MEIS2: variants seen among roughly 807,000 people sequenced by gnomAD.
MEIS2 encodes the protein homeobox protein Meis2.
Under a neutral mutation model 58.6 loss-of-function variants are expected in MEIS2, and 9 were observed. That is an observed-to-expected ratio of 0.15 (90% CI 0.09 to 0.27). The LOEUF (loss-of-function observed/expected upper bound fraction) is 0.27, where lower values mean the gene tolerates loss of function less well. Ranked by LOEUF, MEIS2 falls within the 10% of genes least tolerant of loss-of-function variation. The probability of loss-of-function intolerance (pLI) is 1.00; values close to 1 mark genes in which losing one functional copy is unlikely to be tolerated. For missense variants in MEIS2, 427 were observed against 635.0 expected, an observed-to-expected ratio of 0.67 and a Z score of 3.52; for synonymous variants, 221 against 228.4, an observed-to-expected ratio of 0.97 and a Z score of 0.29.
chr15:36,947,552 G>C (rs1407418220), intron 9 of MEIS2, among the ~76,000 whole-genome samples: 3 of 152,016 alleles, frequency 2.0e-5, no homozygotes, highest in Middle Eastern at 6.8e-3. Context: ...TATATTAAGA[G>C]GTAAGTGAGA....
intron 8 of MEIS2, among the ~76,000 whole-genome samples, chr15:36,982,229 A>G (rs112741186): frequency 4.6e-5 from 7 of 152,296 alleles, no homozygotes; most frequent in African/African-American, 1.7e-4. Context: ...TCAAGTGTAC[A>G]ATACAGGATT....
At chr15:37,050,302 T>C (rs1278957104) in intron 7 of MEIS2, among the ~76,000 whole-genome samples, 1 of 152,202 alleles carries the variant, frequency 6.6e-6, no homozygotes, top group Non-Finnish European at 1.5e-5. Flanking sequence ...TAGAACTTCA[T>C]ATATGTTATG....
intron 6 of MEIS2, among the ~76,000 whole-genome samples, chr15:37,088,793 G>A (rs1386824012): frequency 6.6e-6 from 1 of 152,086 alleles, no homozygotes; most frequent in Non-Finnish European, 1.5e-5. Context: ...AGACAGAAAT[G>A]TCTTGTATTG....
rs144716046 is a variant in MEIS2 at position 37,050,623 on chromosome 15, G to A, written c.755-13664C>T. On this transcript the variant is annotated intron_variant, in intron 7 of 11. Coordinates refer to ENST00000561208, the MANE Select transcript of MEIS2 (RefSeq NM_170675.5). ...TATCTGACATTTTTCTATTTCTCTG[G>A]GCAGTTGTACTACTTTGTTTGTACA... 2.2e-4 allele frequency among the ~76,000 whole-genome samples: 33 copies of A among 152,056 alleles called. 1 individual carries two copies. The East Asian group carries it at 5.0e-3, about 23-fold the overall frequency.
chr15:37,049,791 T>A (rs1181502175), intron 7 of MEIS2, among the ~76,000 whole-genome samples: 13 of 151,896 alleles, frequency 8.6e-5, no homozygotes, highest in Admixed American at 8.5e-4. Context: ...CTGGCCTTTT[T>A]TTTTTTTTTA....
At chr15:37,069,503 AT>A (rs1430838011) in intron 7 of MEIS2, among the ~76,000 whole-genome samples, 1 of 152,152 alleles carries the variant, frequency 6.6e-6, no homozygotes, top group African/African-American at 2.4e-5. Flanking sequence ...TCATTTCAAA[AT>A]TGGAGAGACA....
chr15:36,892,075 G>C lies in MEIS2; in HGVS notation c.*98C>G. 2 of 1,292,216 alleles carry C rather than the reference G, an allele frequency of 1.5e-6. No homozygotes were observed. The highest frequency in any genetic ancestry group is 2.2e-6 in the Non-Finnish European group (2 of 910,912). The allele number at this position is 1,292,216 out of a possible 1,614,324, so 80.0% of individuals were successfully genotyped here. The stretch of plus-strand genomic sequence containing the variant: ...ACAAAAGTAAAAAATAATCACAGCT[G>C]TCTGGAATTTCATATTAAGTGTCAA... On this transcript the variant is annotated 3_prime_UTR_variant, in exon 12 of 12. Transcript: ENST00000561208.
Position 37,083,817 on chromosome 15 carries a change from G to A in MEIS2, c.708C>T (p.Ser236=), listed in dbSNP as rs954343141. Residue 236 remains serine, a synonymous_variant, in exon 7 of 12, where the codon TCC becomes TCT. Transcript: ENST00000561208. ...STHSAGTPGP[S]SGGHASQSGD... is the part of the protein sequence containing the mutation. ...CGCTCTGGGAAGCATGGCCCCCACT[G>A]GAGGGCCCTGGGGTGCCTGCTGAGT... 1.2e-6 allele frequency: 2 copies of A among 1,613,938 alleles called. No homozygotes were observed. Among genetic ancestry groups the A allele is most frequent in the African/African-American group, 2.7e-5 (2 of 74,914 alleles).
chr15:37,018,321 CT>C (rs1184545289), intron 8 of MEIS2, among the ~76,000 whole-genome samples: 2 of 152,202 alleles, frequency 1.3e-5, no homozygotes, highest in East Asian at 3.9e-4. Flanking sequence ...CAAGGAATGT[CT>C]TCACTTCTTT....
At chr15:37,056,828 G>C (rs1005788197) in intron 7 of MEIS2, among the ~76,000 whole-genome samples, 1 of 152,202 alleles carries the variant, frequency 6.6e-6, no homozygotes, top group Non-Finnish European at 1.5e-5. Context: ...AATGGAGCAG[G>C]GTCCAGCTCC....
chr15:37,012,712 C>T (rs1417080792), intron 8 of MEIS2, among the ~76,000 whole-genome samples: 2 of 151,904 alleles, frequency 1.3e-5, no homozygotes, highest in Non-Finnish European at 2.9e-5. Context: ...GTTAAGATTG[C>T]CCTAATGTGT....
At chr15:36,892,977 C>T (rs897874648) in intron 11 of MEIS2, among the ~76,000 whole-genome samples, 2 of 152,076 alleles carry the variant, frequency 1.3e-5, no homozygotes, top group Admixed American at 1.3e-4. Flanking sequence ...TAAAATGAAG[C>T]CCCCTTTTTG....
At chr15:37,072,627 A>G (rs1265905807) in intron 7 of MEIS2, among the ~76,000 whole-genome samples, 2 of 151,944 alleles carry the variant, frequency 1.3e-5, no homozygotes, top group Admixed American at 6.6e-5. Context: ...CACCTTCCCT[A>G]CTTTTTCCAT....
At position 36,892,300 on chromosome 15, in the gene MEIS2, G is replaced by T. The variant is rs1269960840; in HGVS notation, c.1307C>A (p.Pro436Gln). Residue 436 changes from proline (P) to glutamine (Q), a missense_variant, in exon 12 of 12, where the codon CCA becomes CAA. This residue lies in a region of MEIS2 where 154 missense variants were observed against 148.1 expected (regional missense o/e 1.04). Transcript: ENST00000561208. ...HSYLPSHPHH[P>Q]AMMMHGGPPT... is the part of the protein sequence containing the mutation. ...GGGTCCTCCGTGCATCATCATGGCTGGGTGGTGGGGATGGCTTGGCAAATA... is the reference window on the plus strand; with the variant it reads ...GGGTCCTCCGTGCATCATCATGGCTTGGTGGTGGGGATGGCTTGGCAAATA... 6 of 1,613,770 alleles carry T rather than the reference G, an allele frequency of 3.7e-6. No homozygotes were observed. The highest frequency in any genetic ancestry group is 1.3e-5 in the African/African-American group (1 of 74,852).
chr15:37,013,102 A>G (rs1044040240), intron 8 of MEIS2, among the ~76,000 whole-genome samples: 5 of 152,160 alleles, frequency 3.3e-5, no homozygotes, highest in African/African-American at 9.7e-5. Context: ...TGATGAGAGA[A>G]AGGAAACTGG....
At chr15:37,037,213 C>T (rs541875460) in intron 7 of MEIS2, among the ~76,000 whole-genome samples, 1 of 152,162 alleles carries the variant, frequency 6.6e-6, no homozygotes, top group African/African-American at 2.4e-5. Flanking sequence ...TGACACAGTG[C>T]AGTAGCTCTT....
At chr15:37,079,070 GA>G (rs1891844870) in intron 7 of MEIS2, among the ~76,000 whole-genome samples, 1 of 152,156 alleles carries the variant, frequency 6.6e-6, no homozygotes, top group African/African-American at 2.4e-5. Context: ...AAAATCAACA[GA>G]AAATCTTTGG....
intron 9 of MEIS2, among the ~76,000 whole-genome samples, chr15:36,915,087 C>T (rs1009277880): frequency 3.9e-5 from 6 of 152,088 alleles, no homozygotes; most frequent in Non-Finnish European, 7.4e-5. Context: ...TCAGCTTCTC[C>T]GTGACTGGTG....
At chr15:36,954,370 T>G (rs1183587558) in intron 8 of MEIS2, among the ~76,000 whole-genome samples, 1 of 150,444 alleles carries the variant, frequency 6.6e-6, no homozygotes, top group Non-Finnish European at 1.5e-5. Context: ...AACTTTTTGT[T>G]TATATACTCC....
Sources: allele counts gnomAD v4.1 joint callset (sites outside exome capture counted in the v4.1 genomes callset), GRCh38; gene constraint gnomAD v4.1.1; regional missense constraint gnomAD v4.1.1; transcripts MANE v1.5; gene names NCBI Gene and HGNC (gene_info 2026-07-23, HGNC 2026-07-21).